Variants in MYOM2 observed in about 807,000 individuals in gnomAD.
The protein encoded by MYOM2 is myomesin-2.
In MYOM2, 254 loss-of-function variants were observed where a neutral mutation model predicts 187.6. The ratio of observed to expected loss-of-function variants is 1.35; its 90% CI spans 1.22 to 1.50. MYOM2 has a LOEUF of 1.50. MYOM2 is among the 40% of genes most tolerant of loss of function. MYOM2 has a pLI of 0.00. For synonymous variants in MYOM2, 981 were observed against 753.8 expected (o/e 1.30, Z -4.94); for missense variants, 2,796 against 1,924.0 (o/e 1.45, Z -8.48).
intron 6 of MYOM2, among the ~76,000 whole-genome samples, chr8:2,062,690 G>C (rs142029621): frequency 6.6e-6 from 1 of 152,254 alleles, no homozygotes; most frequent in Non-Finnish European, 1.5e-5. Context: ...TCTAGAAAGA[G>C]ACCACCTGCC....
intron 13 of MYOM2, among the ~76,000 whole-genome samples, chr8:2,079,880 C>T (rs1441439055): frequency 6.6e-6 from 1 of 152,180 alleles, no homozygotes; most frequent in Admixed American, 6.5e-5. Context: ...CAAAGGCGTT[C>T]TTTCAGGGAC....
chr8:2,059,287 T>G (rs1818775573), intron 6 of MYOM2, 42 bp downstream of exon 6: 2 of 1,573,854 alleles, frequency 1.3e-6, no homozygotes, highest in East Asian at 4.5e-5. Context: ...CGTCCAGTAA[T>G]CAGCATTGCA....
Position 2,100,981 on chromosome 8 carries a change from TG to T in MYOM2, c.2548del (p.Asp850ThrfsTer23). 1 of 1,614,154 alleles carries T rather than the reference TG, an allele frequency of 6.2e-7. No individual in the cohort carries two copies. The highest frequency in any genetic ancestry group is 1.1e-5 in the South Asian group (1 of 91,078). On this transcript the variant is annotated frameshift_variant, in exon 20 of 37. Transcript: ENST00000262113. LOFTEE classifies it high-confidence loss of function. ...AGCAGCCCTGTTTCTGGATATTTCGTGGACTTCAGGGAGGAGGATGCTGGAG... is the reference window on the plus strand; with the variant it reads ...AGCAGCCCTGTTTCTGGATATTTCGTGACTTCAGGGAGGAGGATGCTGGAG... ...SGSSPVSGYF[V>X]DFREEDAGEW...
At chr8:2,066,165 C>T (rs538485519) in intron 6 of MYOM2, among the ~76,000 whole-genome samples, 5 of 152,274 alleles carry the variant, frequency 3.3e-5, no homozygotes, top group South Asian at 4.2e-4. Flanking sequence ...GGTCACATCC[C>T]GTGAGTCCTG....
chr8:2,073,186 G>T (rs1156750747), intron 9 of MYOM2, among the ~76,000 whole-genome samples, 153 bp from the exon 10 acceptor site: 1 of 152,234 alleles, frequency 6.6e-6, no homozygotes, highest in East Asian at 1.9e-4. Context: ...ACGAAGTGCA[G>T]CTGTTGGGAT....
At chr8:2,067,733 A>G (rs1819063887) in intron 6 of MYOM2, among the ~76,000 whole-genome samples, 1 of 139,332 alleles carries the variant, frequency 7.2e-6, no homozygotes, top group African/African-American at 2.7e-5. Flanking sequence ...GAGCCTGGCT[A>G]TTCCTAAGTC....
chr8:2,095,978 G>A (rs766464694), intron 17 of MYOM2, among the ~76,000 whole-genome samples: 1 of 152,112 alleles, frequency 6.6e-6, no homozygotes, highest in Non-Finnish European at 1.5e-5. Context: ...GATTTAAACC[G>A]TTCATCCTAT....
At chr8:2,067,606 C>T (rs1049354390) in intron 6 of MYOM2, among the ~76,000 whole-genome samples, 45 of 152,130 alleles carry the variant, frequency 3.0e-4, no homozygotes, top group African/African-American at 1.1e-3. Flanking sequence ...CCTCTTGTCT[C>T]CATTTCCTGG....
At position 2,109,488 on chromosome 8, in the gene MYOM2, G is replaced by C. The variant is rs755065137; in HGVS notation, c.3137G>C (p.Ser1046Thr). The C allele has an allele frequency of 2.0e-5, 33 of 1,613,390 alleles. 1 individual carries two copies. The South Asian group carries it at 3.4e-4, about 17-fold the overall frequency. ...GCTGAGCACTTATCACCAGATGCCA[G>C]CTACCGATTTATTATTAACGACAGA... Reference protein sequence around the residue: ...LQAEHLSPDASYRFIINDREV... With the variant: ...LQAEHLSPDATYRFIINDREV... Residue 1046 changes from serine (S) to threonine (T), a missense_variant, in exon 25 of 37, where the codon AGC becomes ACC. Ser to Thr is a moderately conservative substitution (Grantham distance 58). Coordinates refer to ENST00000262113, the MANE Select transcript of MYOM2 (RefSeq NM_003970.4).
At chr8:2,124,839 A>G (rs912961214) in intron 31 of MYOM2, among the ~76,000 whole-genome samples, 3 of 152,110 alleles carry the variant, frequency 2.0e-5, no homozygotes, top group Non-Finnish European at 2.9e-5. Context: ...TTCCCTGATG[A>G]TTAGAGATGT....
chr8:2,144,967 G>C lies in MYOM2; in HGVS notation c.4384G>C (p.Ala1462Pro). ...CAAGCTCATCCCCGCGTCTGCCTCA[G>C]CGGCAGGCCAGTGAAGGCGTTTTCC... ...KPKLIPASAS[A>P]AGQ The change falls in exon 37 of 37, where the codon GCG becomes CCG. Residue 1462 changes from alanine (A) to proline (P), a missense_variant. By Grantham distance (27) the Ala-to-Pro change is conservative. Transcript: ENST00000262113. The C allele has an allele frequency of 6.2e-7, 1 of 1,614,048 alleles. No homozygotes were observed. The highest frequency in any genetic ancestry group is 2.2e-5 in the East Asian group (1 of 44,882).
chr8:2,129,300 C>T lies in MYOM2; in HGVS notation c.3800+68C>T, dbSNP rs79430249. The T allele has an allele frequency of 3.5e-5, 36 of 1,029,306 alleles. No homozygotes were observed. In the Middle Eastern group the frequency reaches 1.7e-3, roughly 49 times the overall value. 63.8% of individuals were successfully genotyped at this position (1,029,306 alleles called of 1,614,324 possible). A position where few individuals can be genotyped will look rare whatever the true frequency, so the allele number is the denominator to read the frequency against. ...GCTGTCCAGGGCGCACAGCTGGGAC[C>T]AGGCGCTCCCTGGGGAACATCAAGG... On this transcript the variant is annotated intron_variant, in intron 32 of 36. Coordinates refer to ENST00000262113, the MANE Select transcript of MYOM2 (RefSeq NM_003970.4).
intron 32 of MYOM2, among the ~76,000 whole-genome samples, chr8:2,137,563 G>A (rs79404050): frequency 0.01 from 1,321 of 127,902 alleles, 16 homozygotes; most frequent in African/African-American, 0.047. Flanking sequence ...GCTGTGCCTG[G>A]TTGTGTGTGT....
intron 23 of MYOM2, 69 bp downstream of exon 23, chr8:2,106,666 A>G: frequency 1.7e-6 from 2 of 1,151,064 alleles, no homozygotes; most frequent in Non-Finnish European, 1.2e-6. Flanking sequence ...ACACCAACAT[A>G]GAAAAGACTT....
rs3779827 is a variant in MYOM2 at position 2,121,363 on chromosome 8, G to C, written c.3454-1889G>C. ...CCAAGGCCAGTGGCGAGACCCCCGA[G>C]TTCTGCTTTCCATGGGCTCTGATAT... On this transcript the variant is annotated intron_variant, in intron 28 of 36. Coordinates refer to ENST00000262113, the MANE Select transcript of MYOM2 (RefSeq NM_003970.4). Among the ~76,000 whole-genome samples the C allele has an allele frequency of 1.3e-4, 20 of 152,218 alleles. No individual in the cohort carries two copies. The East Asian group carries it at 3.1e-3, about 23-fold the overall frequency.
At chr8:2,101,223 G>A (rs866059557) in intron 20 of MYOM2, among the ~76,000 whole-genome samples, 169 bp downstream of exon 20, 5 of 152,232 alleles carry the variant, frequency 3.3e-5, no homozygotes, top group South Asian at 4.1e-4. Context: ...CACCGTGGCA[G>A]GCACCTGTAA....
intron 32 of MYOM2, among the ~76,000 whole-genome samples, chr8:2,138,767 C>G (rs1303183174): frequency 6.6e-6 from 1 of 152,146 alleles, no homozygotes; most frequent in Non-Finnish European, 1.5e-5. Context: ...CTAAAACAAC[C>G]GCACATGGGC....
chr8:2,077,978 A>T (rs745736767), intron 11 of MYOM2, among the ~76,000 whole-genome samples: 47 of 152,146 alleles, frequency 3.1e-4, no homozygotes, highest in Admixed American at 1.2e-3. Context: ...GATACTTAGG[A>T]GGAGAGCTGG....
At chr8:2,133,410 G>T (rs1797944201) in intron 32 of MYOM2, among the ~76,000 whole-genome samples, 1 of 152,276 alleles carries the variant, frequency 6.6e-6, no homozygotes, top group Non-Finnish European at 1.5e-5. Flanking sequence ...ACCTTCAGTG[G>T]ACTTGACGGA....
Sources: allele counts gnomAD v4.1 joint callset (sites outside exome capture counted in the v4.1 genomes callset), GRCh38; gene constraint gnomAD v4.1.1; transcripts MANE v1.5; gene names NCBI Gene and HGNC (gene_info 2026-07-23, HGNC 2026-07-21).